Variants in DOK5 observed in about 807,000 individuals in gnomAD.
DOK5 encodes downstream of tyrosine kinase 5.
In DOK5, 27 loss-of-function variants were observed where a neutral mutation model predicts 43.3. The observed-to-expected ratio is 0.62, with a 90% CI of 0.46 to 0.86. The LOEUF is 0.86. Ranked by LOEUF, DOK5 falls within the 40% of genes least tolerant of loss-of-function variation. The pLI is 0.00. For synonymous variants in DOK5, 146 were observed against 140.1 expected, an observed-to-expected ratio of 1.04 and a Z score of -0.30; for missense variants, 373 against 392.9, an observed-to-expected ratio of 0.95 and a Z score of 0.43.
intron 5 of DOK5, among the ~76,000 whole-genome samples, chr20:54,602,909 GATCCA>G (rs1482301209): frequency 6.6e-6 from 1 of 152,140 alleles, no homozygotes; most frequent in Non-Finnish European, 1.5e-5. Flanking sequence ...CTGACCTTGT[GATCCA>G]CCCGCCTAGG....
At chr20:54,531,995 T>C (rs968448935) in intron 1 of DOK5, among the ~76,000 whole-genome samples, 1 of 152,160 alleles carries the variant, frequency 6.6e-6, no homozygotes, top group African/African-American at 2.4e-5. Flanking sequence ...TGTAATTGAT[T>C]TATGCAGCAA....
intron 5 of DOK5, among the ~76,000 whole-genome samples, chr20:54,592,521 G>A (rs1425375405): frequency 2.0e-5 from 3 of 151,098 alleles, no homozygotes; most frequent in South Asian, 2.1e-4. Context: ...TTTAGGCTTC[G>A]TTTGGGAACA....
chr20:54,650,571 C>A lies in DOK5; in HGVS notation c.*92C>A. The A allele has an allele frequency of 8.0e-7, 1 of 1,247,574 alleles. No homozygotes were observed. Among genetic ancestry groups the A allele is most frequent in the South Asian group, 1.3e-5 (1 of 77,022 alleles). The allele number at this position is 1,247,574 out of a possible 1,614,324, so 77.3% of individuals were successfully genotyped here. Reference sequence around the variant, plus strand: ...AGAATGACAGCAAGGGAAATGACGACCAAGAGAAGAAGCTTAAAGTCCTGG... The same window carrying A: ...AGAATGACAGCAAGGGAAATGACGAACAAGAGAAGAAGCTTAAAGTCCTGG... On this transcript the variant is annotated 3_prime_UTR_variant, in exon 8 of 8. Coordinates refer to ENST00000262593, the MANE Select transcript of DOK5 (RefSeq NM_018431.5).
chr20:54,593,787 C>T (rs1461357014), intron 5 of DOK5, among the ~76,000 whole-genome samples: 3 of 152,194 alleles, frequency 2.0e-5, no homozygotes, highest in African/African-American at 7.2e-5. Flanking sequence ...AAATGTAGTA[C>T]ATATATACCA....
chr20:54,638,485 G>A (rs759785101), intron 6 of DOK5, among the ~76,000 whole-genome samples: 7 of 152,162 alleles, frequency 4.6e-5, no homozygotes, highest in Non-Finnish European at 5.9e-5. Flanking sequence ...AATCTAAGAA[G>A]TTTGGCCGTT....
At chr20:54,516,333 A>G (rs11907797) in intron 1 of DOK5, among the ~76,000 whole-genome samples, 18 of 152,382 alleles carry the variant, frequency 1.2e-4, no homozygotes, top group African/African-American at 4.3e-4. Context: ...CAGTCTAAAA[A>G]AAACTGAGCA....
At chr20:54,494,363 C>T (rs1982307765) in intron 1 of DOK5, among the ~76,000 whole-genome samples, 2 of 152,338 alleles carry the variant, frequency 1.3e-5, no homozygotes, top group Admixed American at 1.3e-4. Context: ...TTTGACATTT[C>T]AGAATCCATT....
At chr20:54,635,278 T>G (rs1978771068) in intron 6 of DOK5, among the ~76,000 whole-genome samples, 1 of 152,198 alleles carries the variant, frequency 6.6e-6, no homozygotes. Context: ...TGCAAAGCTG[T>G]CTCTTGTGGG....
At chr20:54,507,921 G>A (rs996311987) in intron 1 of DOK5, among the ~76,000 whole-genome samples, 40 of 152,184 alleles carry the variant, frequency 2.6e-4, no homozygotes, top group African/African-American at 8.4e-4. Flanking sequence ...AGTGTATTGA[G>A]AACCCGTGGA....
Position 54,588,406 on chromosome 20 carries a change from C to T in DOK5, c.175-77C>T, listed in dbSNP as rs531158316. ...AGCTGTGCTGTGCCATACTGATTTC[C>T]GGGCCTCACCTTTGGTGTTGTATAC... On this transcript the variant is annotated intron_variant, in intron 2 of 7. Transcript: ENST00000262593. 54 of 1,194,702 alleles carry T rather than the reference C, an allele frequency of 4.5e-5. 1 individual carries two copies. The highest frequency in any genetic ancestry group is 2.7e-4 in the South Asian group (22 of 80,838). The allele number at this position is 1,194,702 out of a possible 1,614,324, so 74.0% of individuals were successfully genotyped here. A position where few individuals can be genotyped will look rare whatever the true frequency, so the allele number is the denominator to read the frequency against.
At chr20:54,540,079 A>G (rs186722782) in intron 1 of DOK5, among the ~76,000 whole-genome samples, 98 of 152,178 alleles carry the variant, frequency 6.4e-4, no homozygotes, top group African/African-American at 2.3e-3. Context: ...AGCAACTGGA[A>G]CTTAGTCTTG....
chr20:54,637,701 T>C (rs1978888949), intron 6 of DOK5, among the ~76,000 whole-genome samples: 2 of 152,264 alleles, frequency 1.3e-5, no homozygotes, highest in African/African-American at 4.8e-5. Context: ...GGATTTATTT[T>C]TGAAGACAAT....
Position 54,643,497 on chromosome 20 carries a change from A to C in DOK5, c.775A>C (p.Thr259Pro). The change falls in exon 7 of 8, where the codon ACC becomes CCC. Residue 259 changes from threonine to proline, a missense_variant. Coordinates refer to ENST00000262593, the MANE Select transcript of DOK5 (RefSeq NM_018431.5). Reference sequence around the variant, plus strand: ...GAGTGAGCGGGCCGCCTCGCTGAGCACCATGGTGCCCCTGCCTCGCAGCGC... The same window carrying C: ...GAGTGAGCGGGCCGCCTCGCTGAGCCCCATGGTGCCCCTGCCTCGCAGCGC... ...KMSERAASLS[T>P]MVPLPRSAYW... 6.2e-7 allele frequency: 1 copy of C among 1,613,726 alleles called. No homozygotes were observed. The highest frequency in any genetic ancestry group is 2.2e-5 in the East Asian group (1 of 44,876).
intron 1 of DOK5, among the ~76,000 whole-genome samples, chr20:54,495,888 A>G (rs1009596359): frequency 2.0e-5 from 3 of 152,212 alleles, no homozygotes; most frequent in Admixed American, 2.0e-4. Flanking sequence ...TCTCAAAGAA[A>G]AAAAAAATTA....
intron 5 of DOK5, among the ~76,000 whole-genome samples, chr20:54,595,216 C>A (rs2146775091): frequency 6.6e-6 from 1 of 152,204 alleles, no homozygotes; most frequent in East Asian, 1.9e-4. Flanking sequence ...TAGTGGGCAC[C>A]TGTGGTCCCA....
intron 1 of DOK5, among the ~76,000 whole-genome samples, chr20:54,552,593 T>C (rs989754564): frequency 2.0e-5 from 3 of 152,166 alleles, no homozygotes; most frequent in African/African-American, 4.8e-5. Context: ...GCTACTAATG[T>C]TGCTCTATAG....
chr20:54,520,285 A>T (rs1389491068), intron 1 of DOK5, among the ~76,000 whole-genome samples: 1 of 152,120 alleles, frequency 6.6e-6, no homozygotes. Context: ...CCCTTATCAA[A>T]TTCCATTAGC....
rs902904465 is a variant in DOK5, at chr20:54,641,673, G to A, written c.736-1785G>A. Among the ~76,000 whole-genome samples the A allele has an allele frequency of 3.2e-4, 49 of 152,120 alleles. 4 individuals are homozygous for A. In the East Asian group the frequency reaches 8.9e-3, roughly 28 times the overall value. On this transcript the variant is annotated intron_variant, in intron 6 of 7. Transcript: ENST00000262593. The stretch of plus-strand genomic sequence containing the variant: ...AACTCTTATACTTTCCAAATGGATA[G>A]GTGTATAATTTCGACAATTTTCATA...
At chr20:54,518,937 A>G (rs1675254646) in intron 1 of DOK5, among the ~76,000 whole-genome samples, 1 of 151,320 alleles carries the variant, frequency 6.6e-6, no homozygotes, top group African/African-American at 2.5e-5. Context: ...TATGCAGCCA[A>G]AAGACACATG....
Sources: gnomAD v4.1 joint callset for allele counts (sites outside exome capture counted in the v4.1 genomes callset) on GRCh38, gnomAD v4.1.1 for gene constraint, MANE v1.5 for transcripts, NCBI Gene and HGNC (gene_info 2026-07-23, HGNC 2026-07-21) for gene names.